Variants in LIMCH1 observed in about 807,000 individuals in gnomAD.
LIMCH1 encodes the protein LIM and calponin homology domains-containing protein 1.
A neutral mutation model predicts 176.5 loss-of-function variants in LIMCH1; 113 were observed. The ratio of observed to expected loss-of-function variants is 0.64; its 90% CI spans 0.55 to 0.75. LIMCH1 has a LOEUF of 0.75. LIMCH1 is among the 30% of genes least tolerant of loss of function. The pLI is 0.00. For synonymous variants in LIMCH1, 619 were observed against 645.9 expected, an observed-to-expected ratio of 0.96 and a Z score of 0.63; for missense variants, 1,674 against 1,814.9, an observed-to-expected ratio of 0.92 and a Z score of 1.41.
intron 3 of LIMCH1, among the ~76,000 whole-genome samples, chr4:41,532,704 T>G (rs996148472): frequency 1.3e-5 from 2 of 152,210 alleles, no homozygotes; most frequent in African/African-American, 2.4e-5. Context: ...GTTAGTCCCC[T>G]TGCGCATCTT....
At chr4:41,463,853 A>C (rs2065732433) in intron 1 of LIMCH1, among the ~76,000 whole-genome samples, 1 of 152,028 alleles carries the variant, frequency 6.6e-6, no homozygotes, top group African/African-American at 2.4e-5. Context: ...TGCTAGGATT[A>C]CAAGCATGAG....
At chr4:41,375,333 A>G (rs1284927488) in intron 1 of LIMCH1, among the ~76,000 whole-genome samples, 1 of 152,162 alleles carries the variant, frequency 6.6e-6, no homozygotes, top group South Asian at 2.1e-4. Flanking sequence ...CTGAATGTCA[A>G]GTGCCCAACC....
chr4:41,510,351 G>T lies in LIMCH1; in HGVS notation c.168-14058G>T, dbSNP rs144869990. Among the ~76,000 whole-genome samples the T allele has an allele frequency of 3.9e-3, 588 of 152,336 alleles. 2 individuals carry two copies. Among genetic ancestry groups the T allele is most frequent in the Non-Finnish European group, 7.0e-3 (478 of 68,034 alleles). ...GAGAAACTGGCCTAGCCCATTGCCT[G>T]CCTGTGGGGTTACATGCTGGATTAG... On this transcript the variant is annotated intron_variant, in intron 2 of 26. Coordinates refer to the LIMCH1 transcript ENST00000313860.
At chr4:41,601,214 T>C (rs1468412279) in intron 2 of LIMCH1, among the ~76,000 whole-genome samples, 1 of 152,154 alleles carries the variant, frequency 6.6e-6, no homozygotes, top group Non-Finnish European at 1.5e-5. Context: ...GGTCTTCTGC[T>C]CATGTGGAGT....
rs547894886 is a variant in LIMCH1 at position 41,539,554 on chromosome 4, C to G, written c.-241+1204C>G. The stretch of plus-strand genomic sequence containing the variant: ...GGAAGAAGGGGCAAGAATAAGCCAC[C>G]CTCCTTACAGCTGCCAATACATCTC... On this transcript the variant is annotated intron_variant, in intron 1 of 31. Transcript: ENST00000503057. Among the ~76,000 whole-genome samples the G allele has an allele frequency of 6.9e-4, 105 of 152,258 alleles. No individual in the cohort carries two copies. In the South Asian group the frequency reaches 0.022, roughly 31 times the overall value.
At position 41,638,958 on chromosome 4, in the gene LIMCH1, A is replaced by G; in HGVS notation, c.2117A>G (p.Asp706Gly). 6.3e-7 allele frequency: 1 copy of G among 1,590,192 alleles called. No individual in the cohort carries two copies. The highest frequency in any genetic ancestry group is 1.4e-5 in the African/African-American group (1 of 73,024). The change falls in exon 14 of 32, where the codon GAT becomes GGT. Residue 706 changes from aspartate to glycine, a missense_variant. Coordinates refer to ENST00000503057, the MANE Select transcript of LIMCH1 (RefSeq NM_001330672.2). ...QRYGPRTPVS[D>G]DAESTSMFDM... Reference sequence around the variant, plus strand: ...TACGGTCCGAGAACTCCTGTGTCTGATGACGCAGAGTAAGTTGCCTTGTAT... The same window carrying G: ...TACGGTCCGAGAACTCCTGTGTCTGGTGACGCAGAGTAAGTTGCCTTGTAT...
At chr4:41,554,837 A>G (rs934026981) in intron 1 of LIMCH1, among the ~76,000 whole-genome samples, 1 of 152,172 alleles carries the variant, frequency 6.6e-6, no homozygotes. Flanking sequence ...ATAAATATTT[A>G]TCATGTCCCT....
intron 1 of LIMCH1, among the ~76,000 whole-genome samples, chr4:41,441,449 T>G (rs758185657): frequency 1.3e-4 from 20 of 152,188 alleles, no homozygotes; most frequent in Non-Finnish European, 2.8e-4. Context: ...GTCGGTCATT[T>G]TTTTTTCACT....
chr4:41,609,747 A>G, intron 4 of LIMCH1: 2 of 433,784 alleles, frequency 4.6e-6, no homozygotes, highest in Non-Finnish European at 9.2e-6. Context: ...AGCAGTTAGC[A>G]CAAGGGACTG....
chr4:41,605,079 T>C (rs886351222), intron 3 of LIMCH1, among the ~76,000 whole-genome samples: 4 of 152,210 alleles, frequency 2.6e-5, no homozygotes, highest in Non-Finnish European at 5.9e-5. Flanking sequence ...GGAGCTCATC[T>C]TCAGCTGACT....
intron 18 of LIMCH1, among the ~76,000 whole-genome samples, chr4:41,660,903 G>A (rs2094595503): frequency 6.6e-6 from 1 of 152,160 alleles, no homozygotes; most frequent in South Asian, 2.1e-4. Flanking sequence ...AAAGTGGGGA[G>A]GAGAGGGAAA....
intron 20 of LIMCH1, among the ~76,000 whole-genome samples, chr4:41,663,306 A>G (rs1277319718): frequency 6.6e-6 from 1 of 152,088 alleles, no homozygotes; most frequent in African/African-American, 2.4e-5. Flanking sequence ...GGCGTCTGCC[A>G]CCACGCCCAG....
At chr4:41,449,248 G>A (rs1204803309) in intron 1 of LIMCH1, among the ~76,000 whole-genome samples, 7 of 151,706 alleles carry the variant, frequency 4.6e-5, no homozygotes, top group South Asian at 2.1e-4. Flanking sequence ...TTTCTCTCCC[G>A]ATGACACCCC....
At chr4:41,596,320 C>A (rs2088808270) in intron 1 of LIMCH1, among the ~76,000 whole-genome samples, 1 of 150,478 alleles carries the variant, frequency 6.6e-6, no homozygotes, top group Non-Finnish European at 1.5e-5. Context: ...GAAAATTTTG[C>A]TGTCTCTGGA....
intron 1 of LIMCH1, among the ~76,000 whole-genome samples, chr4:41,593,578 A>T (rs1311066010): frequency 6.6e-6 from 1 of 152,136 alleles, no homozygotes; most frequent in Non-Finnish European, 1.5e-5. Flanking sequence ...TTTTCTCACA[A>T]CCTTTTTTGG....
chr4:41,575,002 T>TA (rs1378648431), intron 1 of LIMCH1, among the ~76,000 whole-genome samples: 1 of 152,194 alleles, frequency 6.6e-6, no homozygotes, highest in Non-Finnish European at 1.5e-5. Flanking sequence ...TATGGCTTTT[T>TA]AAATCCTACT....
intron 1 of LIMCH1, among the ~76,000 whole-genome samples, chr4:41,437,605 G>GA (rs2062221501): frequency 6.6e-6 from 1 of 152,362 alleles, no homozygotes; most frequent in South Asian, 2.1e-4. Flanking sequence ...GCTTTTGCTA[G>GA]ATACTGTGCT....
intron 1 of LIMCH1, among the ~76,000 whole-genome samples, chr4:41,372,064 C>T (rs1420506186): frequency 1.3e-5 from 2 of 152,148 alleles, no homozygotes; most frequent in Non-Finnish European, 2.9e-5. Context: ...GAACACCCCT[C>T]TTTTTGCTCT....
At chr4:41,415,249 A>G (rs1186115162) in intron 1 of LIMCH1, among the ~76,000 whole-genome samples, 1 of 152,198 alleles carries the variant, frequency 6.6e-6, no homozygotes, top group Non-Finnish European at 1.5e-5. Flanking sequence ...TGTAGAACAT[A>G]TTAACTTTTG....
Sources: gnomAD v4.1 joint callset for allele counts (sites outside exome capture counted in the v4.1 genomes callset) on GRCh38, gnomAD v4.1.1 for gene constraint, MANE v1.5 for transcripts, NCBI Gene and HGNC (gene_info 2026-07-23, HGNC 2026-07-21) for gene names.